Variants in SERPINE3 observed in about 807,000 individuals in gnomAD.
SERPINE3 encodes the protein serpin E3.
Under a neutral mutation model 41.7 loss-of-function variants are expected in SERPINE3, and 43 were observed. The ratio of observed to expected loss-of-function variants is 1.03; its 90% CI spans 0.81 to 1.33. SERPINE3 has a LOEUF of 1.33. Among genes scored for constraint, SERPINE3 ranks in the 40% most tolerant of loss-of-function variants. The probability of loss-of-function intolerance (pLI) is 0.00; values close to 1 mark genes in which losing one functional copy is unlikely to be tolerated. For synonymous variants in SERPINE3, 200 were observed against 192.2 expected, an observed-to-expected ratio of 1.04 and a Z score of -0.34; for missense variants, 440 against 491.7, an observed-to-expected ratio of 0.89 and a Z score of 0.99.
intron 5 of SERPINE3, 53 bp downstream of exon 5, chr13:51,347,287 G>A (rs1955357224): frequency 6.6e-7 from 1 of 1,517,258 alleles, no homozygotes; most frequent in African/African-American, 1.4e-5. Context: ...CTGGGCCTGA[G>A]GGCAGGAGAG....
chr13:51,340,914 C>T, intron 2 of SERPINE3, 53 bp downstream of exon 2: 1 of 642,270 alleles, frequency 1.6e-6, no homozygotes. Context: ...GCCCAGACGG[C>T]TGGGCCTCAG....
In SERPINE3 at chr13:51,355,111, A is replaced by T; in HGVS notation, c.968A>T (p.Asp323Val). ...LNSWGVTDLFDPLKANLKGIS... is the reference protein window; with the variant it reads ...LNSWGVTDLFVPLKANLKGIS... Reference sequence around the variant, plus strand: ...TCTTGGGGAGTCACCGATCTTTTTGATCCACTCAAAGCTAACTTGAAAGGA... The same window carrying T: ...TCTTGGGGAGTCACCGATCTTTTTGTTCCACTCAAAGCTAACTTGAAAGGA... Residue 323 changes from aspartate to valine, a missense_variant, in exon 7 of 10, where the codon GAT becomes GTT. By Grantham distance (152) the Asp-to-Val change is radical (BLOSUM62 -3). Transcript: ENST00000681248. The T allele has an allele frequency of 6.5e-7, 1 of 1,546,598 alleles. No homozygotes were observed. The highest frequency in any genetic ancestry group is 8.8e-7 in the Non-Finnish European group (1 of 1,140,450).
intron 5 of SERPINE3, among the ~76,000 whole-genome samples, chr13:51,347,956 T>C (rs1566192484): frequency 1.4e-5 from 2 of 147,166 alleles, no homozygotes; most frequent in Non-Finnish European, 3.0e-5. Flanking sequence ...TGTGCCATCG[T>C]CCCCCCCCCC....
chr13:51,341,513 A>C (rs943527366), intron 3 of SERPINE3, among the ~76,000 whole-genome samples, 166 bp downstream of exon 3: 1 of 152,186 alleles, frequency 6.6e-6, no homozygotes, highest in African/African-American at 2.4e-5. Context: ...GCTACCTGGG[A>C]GATAGGGAGC....
chr13:51,342,156 T>C (rs1348759938), intron 3 of SERPINE3, among the ~76,000 whole-genome samples: 1 of 124,268 alleles, frequency 8.0e-6, no homozygotes, highest in African/African-American at 3.2e-5. Context: ...GACTAGGATC[T>C]AGGAATTCAG....
chr13:51,362,136 G>C, intron 9 of SERPINE3: 2 of 1,237,302 alleles, frequency 1.6e-6, no homozygotes, highest in Non-Finnish European at 2.1e-6. Flanking sequence ...AGTTAATGTA[G>C]ATTTTTTTTT....
intron 9 of SERPINE3, 37 bp from the exon 10 acceptor site, chr13:51,364,202 A>G: frequency 9.3e-7 from 1 of 1,080,606 alleles, no homozygotes. Context: ...GCATATGAAA[A>G]TACTATATAA....
rs1593638147 is a variant in SERPINE3 at position 51,346,931 on chromosome 13, T to G, written c.491-94T>G. 40 of 904,108 alleles carry G rather than the reference T, an allele frequency of 4.4e-5. No individual in the cohort carries two copies. In the East Asian group the frequency reaches 1.0e-3, roughly 23 times the overall value. The allele number at this position is 904,108 out of a possible 1,614,324, so 56.0% of individuals were successfully genotyped here. A position where few individuals can be genotyped will look rare whatever the true frequency, so the allele number is the denominator to read the frequency against. ...AAGCAAAAAGACCTGCATTTTCGCA[T>G]TTTAACTCTGCACTCCTTGTCCGCA... On this transcript the variant is annotated intron_variant, in intron 4 of 9. Transcript: ENST00000681248.
At chr13:51,348,753 C>T (rs552863498) in intron 6 of SERPINE3, 117 of 259,384 alleles carry the variant, frequency 4.5e-4, no homozygotes, top group Admixed American at 1.7e-3. Context: ...CTCGTGGTTC[C>T]CTTGTAGGAA....
In SERPINE3 at chr13:51,355,087, C is replaced by A. The variant is rs1375911831; in HGVS notation, c.944C>A (p.Ser315Tyr). The A allele has an allele frequency of 1.3e-6, 2 of 1,551,626 alleles. No homozygotes were observed. Among genetic ancestry groups the A allele is most frequent in the Non-Finnish European group, 1.7e-6 (2 of 1,144,882 alleles). ...NQFNLKSILN[S>Y]WGVTDLFDPL... ...TTCAACTTAAAAAGCATTTTAAATT[C>A]TTGGGGAGTCACCGATCTTTTTGAT... The change falls in exon 7 of 10, where the codon TCT becomes TAT. Residue 315 changes from serine to tyrosine, a missense_variant. Physicochemically the swap from Ser to Tyr is moderately radical, Grantham distance 144. Coordinates refer to ENST00000681248, the MANE Select transcript of SERPINE3 (RefSeq NM_001386375.1).
chr13:51,355,099 C>A lies in SERPINE3; in HGVS notation c.956C>A (p.Thr319Asn), dbSNP rs753814971. The part of the protein sequence containing the change: ...LKSILNSWGV[T>N]DLFDPLKANL... ...AGCATTTTAAATTCTTGGGGAGTCA[C>A]CGATCTTTTTGATCCACTCAAAGCT... Residue 319 changes from threonine to asparagine, a missense_variant, in exon 7 of 10, where the codon ACC (threonine) becomes AAC (asparagine). Thr to Asn is a moderately conservative substitution (Grantham distance 65). Transcript: ENST00000681248. The A allele has an allele frequency of 6.4e-6, 10 of 1,552,148 alleles. No homozygotes were observed. Among genetic ancestry groups the A allele is most frequent in the Non-Finnish European group, 8.7e-6 (10 of 1,145,462 alleles).
rs536813721 is a variant in SERPINE3 at position 51,364,626 on chromosome 13, G to A, written c.*344G>A. On this transcript the variant is annotated 3_prime_UTR_variant, in exon 10 of 10. Coordinates refer to ENST00000681248, the MANE Select transcript of SERPINE3 (RefSeq NM_001386375.1). The stretch of plus-strand genomic sequence containing the variant: ...ATTGAGGGTGGAGAATGAATAGCGT[G>A]GTTTTCCTTATCCTGTGAAACTCAG... 5.3e-6 allele frequency: 1 copy of A among 187,522 alleles called. No homozygotes were observed. The highest frequency in any genetic ancestry group is 1.1e-5 in the Non-Finnish European group (1 of 91,946). 11.6% of individuals were successfully genotyped at this position (187,522 alleles called of 1,614,324 possible).
chr13:51,352,647 C>T (rs922489348), intron 6 of SERPINE3, among the ~76,000 whole-genome samples: 2 of 152,060 alleles, frequency 1.3e-5, no homozygotes, highest in African/African-American at 4.8e-5. Context: ...TCAGAGTGGA[C>T]ATTCTTGTCT....
At chr13:51,347,961 C>G (rs568185127) in intron 5 of SERPINE3, among the ~76,000 whole-genome samples, 5 of 152,068 alleles carry the variant, frequency 3.3e-5, no homozygotes, top group African/African-American at 7.2e-5. Flanking sequence ...CATCGTCCCC[C>G]CCCCCATACC....
intron 7 of SERPINE3, among the ~76,000 whole-genome samples, chr13:51,359,915 C>G (rs977463506): frequency 7.9e-5 from 12 of 151,984 alleles, no homozygotes; most frequent in Admixed American, 6.6e-5. Flanking sequence ...TAAAATAAAT[C>G]AAATTCTTTG....
chr13:51,346,552 C>T (rs1278412519), intron 4 of SERPINE3, among the ~76,000 whole-genome samples: 1 of 152,152 alleles, frequency 6.6e-6, no homozygotes, highest in African/African-American at 2.4e-5. Context: ...CTCTACCAAC[C>T]CAACTCCAGA....
chr13:51,343,422 G>A (rs1413899359), intron 3 of SERPINE3, among the ~76,000 whole-genome samples: 1 of 152,126 alleles, frequency 6.6e-6, no homozygotes, highest in Non-Finnish European at 1.5e-5. Context: ...GCCTGGGGGA[G>A]GACAGAAGCT....
intron 6 of SERPINE3, among the ~76,000 whole-genome samples, chr13:51,351,679 C>T (rs756752464): frequency 7.9e-5 from 12 of 152,100 alleles, no homozygotes; most frequent in Non-Finnish European, 1.3e-4. Context: ...CTTGCGCTTT[C>T]GATGCCATAT....
chr13:51,362,467 A>G (rs1391470971), intron 9 of SERPINE3: 1 of 152,942 alleles, frequency 6.5e-6, no homozygotes, highest in Non-Finnish European at 1.5e-5. Flanking sequence ...AAGGACACAC[A>G]AATATTCTTA....
Sources: gnomAD v4.1 joint callset for allele counts (sites outside exome capture counted in the v4.1 genomes callset) on GRCh38, gnomAD v4.1.1 for gene constraint, MANE v1.5 for transcripts, NCBI Gene and HGNC (gene_info 2026-07-23, HGNC 2026-07-21) for gene names.